TTC7B: variants seen among roughly 807,000 people sequenced by gnomAD.
TTC7B encodes the protein tetratricopeptide repeat protein 7B.
Under a neutral mutation model 106.8 loss-of-function variants are expected in TTC7B, and 28 were observed. That is an observed-to-expected ratio of 0.26 (90% CI 0.19 to 0.36). The LOEUF is 0.36. TTC7B is among the 10% of genes least tolerant of loss of function. TTC7B has a pLI of 1.00. For missense variants in TTC7B, 862 were observed against 1,076.4 expected, an observed-to-expected ratio of 0.80 and a Z score of 2.79; for synonymous variants, 405 against 430.6, an observed-to-expected ratio of 0.94 and a Z score of 0.74.
rs534027485 is a variant in TTC7B at position 90,807,019 on chromosome 14, A to G, written c.121+9156T>C. 6.6e-6 allele frequency among the ~76,000 whole-genome samples: 1 copy of G among 152,326 alleles called. No homozygotes were observed. Among genetic ancestry groups the G allele is most frequent in the East Asian group, 1.9e-4 (1 of 5,186 alleles). ...ACCCAGGTCTAACAGGGCAAAGCCC[A>G]CTGCTTTCTCCTGCCCGGGGTTCCT... On this transcript the variant is annotated intron_variant, in intron 1 of 19. Coordinates refer to ENST00000328459, the MANE Select transcript of TTC7B (RefSeq NM_001010854.2). The surrounding 1 kb of genome is among the most constrained non-coding windows in gnomAD (Gnocchi z 4.1).
At chr14:90,760,766 A>G (rs1890473111) in intron 3 of TTC7B, among the ~76,000 whole-genome samples, 2 of 152,180 alleles carry the variant, frequency 1.3e-5, no homozygotes, top group Admixed American at 6.5e-5. Context: ...AATGAGCTTC[A>G]GCCACTCCTG....
chr14:90,814,786 C>T (rs2140069064), intron 1 of TTC7B, among the ~76,000 whole-genome samples: 1 of 152,270 alleles, frequency 6.6e-6, no homozygotes, highest in South Asian at 2.1e-4. Flanking sequence ...GCCCAGGGCA[C>T]TGAACACCAT....
At chr14:90,626,943 T>C (rs1884468975) in intron 15 of TTC7B, among the ~76,000 whole-genome samples, 1 of 152,200 alleles carries the variant, frequency 6.6e-6, no homozygotes, top group Non-Finnish European at 1.5e-5. Flanking sequence ...CTGGGAGTTA[T>C]TTAACCACCA....
chr14:90,718,760 C>A (rs902317915), intron 5 of TTC7B, among the ~76,000 whole-genome samples: 1 of 151,512 alleles, frequency 6.6e-6, no homozygotes, highest in African/African-American at 2.4e-5. Context: ...AAAGTACATC[C>A]ATTTATTCAT....
At chr14:90,631,990 A>G (rs886512691) in intron 15 of TTC7B, among the ~76,000 whole-genome samples, 4 of 151,880 alleles carry the variant, frequency 2.6e-5, no homozygotes, top group African/African-American at 9.7e-5. Context: ...TCGTTTTGTT[A>G]GGGTTGTGGA....
intron 5 of TTC7B, chr14:90,698,016 T>G (rs1164850779): frequency 6.6e-6 from 1 of 152,164 alleles, no homozygotes; most frequent in Admixed American, 6.5e-5. Context: ...TACAACCCAT[T>G]GCAATGAATG....
rs1221522461 is a variant in TTC7B at position 90,534,204 on chromosome 14, T to C, written c.*7164A>G. ...CATTCCTGTCTGAAATGGTGCAGGA[T>C]GTCCTTTTTCTGTTCCTATCTGGCT... On this transcript the variant is annotated 3_prime_UTR_variant, in exon 20 of 20. Coordinates refer to ENST00000328459, the MANE Select transcript of TTC7B (RefSeq NM_001010854.2). 2.0e-5 allele frequency: 3 copies of C among 152,320 alleles called. No homozygotes were observed. Among genetic ancestry groups the C allele is most frequent in the Non-Finnish European group, 2.9e-5 (2 of 68,092 alleles). 9.4% of individuals were successfully genotyped at this position (152,320 alleles called of 1,614,324 possible). A position where few individuals can be genotyped will look rare whatever the true frequency, so the allele number is the denominator to read the frequency against.
chr14:90,809,889 C>G (rs1332960676), intron 1 of TTC7B, among the ~76,000 whole-genome samples: 2 of 152,198 alleles, frequency 1.3e-5, no homozygotes, highest in East Asian at 3.8e-4. Context: ...CCCACCACCA[C>G]CAGCAACAGA....
In TTC7B at chr14:90,768,350, C is replaced by T. The variant is rs138196631; in HGVS notation, c.445+12388G>A. Among the ~76,000 whole-genome samples, 678 of 152,148 alleles carry T rather than the reference C, an allele frequency of 4.5e-3. 2 individuals are homozygous for T. The highest frequency in any genetic ancestry group is 0.016 in the African/African-American group (648 of 41,506). On this transcript the variant is annotated intron_variant, in intron 3 of 19. Transcript: ENST00000328459. ...GGATGCAGCCACCTTCTTTACAAGG[C>T]AGTGGGGGAGAGAGAGAGAGAGAGT...
rs532223315 is a variant in TTC7B at position 90,627,884 on chromosome 14, A to G, written c.1752-9839T>C. On this transcript the variant is annotated intron_variant, in intron 15 of 19. Transcript: ENST00000328459. ...CTCAGATTGGCATCCAGGAGCCGGC[A>G]CCTAAGCTGGAGATGACCTGGTCAG... 2.1e-3 allele frequency among the ~76,000 whole-genome samples: 326 copies of G among 152,302 alleles called. 1 individual carries two copies. The highest frequency in any genetic ancestry group is 7.4e-3 in the African/African-American group (306 of 41,554).
intron 1 of TTC7B, among the ~76,000 whole-genome samples, chr14:90,797,957 G>A (rs561396687): frequency 1.3e-5 from 2 of 152,306 alleles, no homozygotes; most frequent in East Asian, 3.9e-4. Context: ...ATGTCTTCAC[G>A]TTTCCTGAAT....
In TTC7B at chr14:90,578,066, C is replaced by T. The variant is rs1329857459; in HGVS notation, c.2310+40G>A. 9 of 1,571,090 alleles carry T rather than the reference C, an allele frequency of 5.7e-6. No individual in the cohort carries two copies. Among genetic ancestry groups the T allele is most frequent in the East Asian group, 4.6e-5 (2 of 43,166 alleles). On this transcript the variant is annotated intron_variant, in intron 19 of 19. Coordinates refer to ENST00000328459, the MANE Select transcript of TTC7B (RefSeq NM_001010854.2). This position sits in a 1 kb window ranked among gnomAD's most constrained non-coding sequence, Gnocchi z 4.7. ...ACCTGCCGCTTCCAAGGGCTGTCCC[C>T]ATGCCAGAGTAGGGGCCACCGCCGG...
chr14:90,679,452 T>C (rs1395114070), intron 8 of TTC7B, among the ~76,000 whole-genome samples: 1 of 152,118 alleles, frequency 6.6e-6, no homozygotes, highest in Admixed American at 6.5e-5. Context: ...GGAAATGCCT[T>C]CTCTTGCTTT....
At chr14:90,596,662 CT>C (rs1892216575) in intron 17 of TTC7B, among the ~76,000 whole-genome samples, 1 of 152,182 alleles carries the variant, frequency 6.6e-6, no homozygotes, top group Non-Finnish European at 1.5e-5. Context: ...GTCCTTGGTG[CT>C]TCTATGTGGT....
chr14:90,682,308 T>C (rs1357081869), intron 7 of TTC7B, among the ~76,000 whole-genome samples: 1 of 152,178 alleles, frequency 6.6e-6, no homozygotes, highest in African/African-American at 2.4e-5. Context: ...TGCTAACAAG[T>C]GGCACATTAA....
intron 1 of TTC7B, among the ~76,000 whole-genome samples, chr14:90,812,674 C>T (rs1241298044): frequency 2.0e-5 from 3 of 152,004 alleles, no homozygotes; most frequent in Admixed American, 6.5e-5. Context: ...GGGACTCACC[C>T]GGGTCTGGTG....
rs1441162301 is a variant in TTC7B at position 90,600,395 on chromosome 14, G to A, written c.1967-6769C>T. ...TGTCCCCCAGTGTGACAGCAGGGGC[G>A]GGGCCGCTGCCCACCCAGTCCCACC... On this transcript the variant is annotated intron_variant, in intron 17 of 19. Coordinates refer to ENST00000328459, the MANE Select transcript of TTC7B (RefSeq NM_001010854.2). The surrounding 1 kb of genome is among the most constrained non-coding windows in gnomAD (Gnocchi z 4.3). Among the ~76,000 whole-genome samples, 2 of 152,268 alleles carry A rather than the reference G, an allele frequency of 1.3e-5. No homozygotes were observed. The highest frequency in any genetic ancestry group is 4.1e-4 in the South Asian group (2 of 4,828).
chr14:90,790,100 A>T (rs1378571894), intron 1 of TTC7B, among the ~76,000 whole-genome samples: 3 of 152,064 alleles, frequency 2.0e-5, no homozygotes, highest in Non-Finnish European at 4.4e-5. Context: ...CAGCAATATG[A>T]TCACTGTTTA....
At chr14:90,816,139 C>A in intron 1 of TTC7B, 36 bp downstream of exon 1, 2 of 1,094,174 alleles carry the variant, frequency 1.8e-6, no homozygotes, top group Non-Finnish European at 2.3e-6. Flanking sequence ...GGCCGCGGCG[C>A]CCCCCGCAGC....
Sources: gnomAD v4.1 joint callset for allele counts (sites outside exome capture counted in the v4.1 genomes callset) on GRCh38, gnomAD v4.1.1 for gene constraint, Gnocchi (gnomAD v3.1) non-coding constraint, MANE v1.5 for transcripts, NCBI Gene and HGNC (gene_info 2026-07-23, HGNC 2026-07-21) for gene names.